PLA2G4A: variants seen among roughly 807,000 people sequenced by gnomAD.
PLA2G4A encodes the protein phospholipase A2 group IVA, also known as cytosolic phospholipase A2.
In PLA2G4A, 40 loss-of-function variants were observed where a neutral mutation model predicts 81.9. That is an observed-to-expected ratio of 0.49 (90% CI 0.38 to 0.64). PLA2G4A has a LOEUF of 0.64. Among genes scored for constraint, PLA2G4A ranks in the 30% least tolerant of loss-of-function variants. PLA2G4A has a pLI of 0.00. For missense variants in PLA2G4A, 715 were observed against 905.1 expected, an observed-to-expected ratio of 0.79 and a Z score of 2.69; for synonymous variants, 302 against 296.9, an observed-to-expected ratio of 1.02 and a Z score of -0.18.
At chr1:186,904,043 G>C (rs1654642946) in intron 5 of PLA2G4A, among the ~76,000 whole-genome samples, 1 of 152,160 alleles carries the variant, frequency 6.6e-6, no homozygotes, top group Non-Finnish European at 1.5e-5. Context: ...TAGTGGGTTA[G>C]ATCCTTTAAA....
At chr1:186,988,277 A>T in intron 17 of PLA2G4A, 100 bp from the exon 18 acceptor site, 1 of 890,956 alleles carries the variant, frequency 1.1e-6, no homozygotes, top group Non-Finnish European at 1.7e-6. Context: ...GTCAAAAGGA[A>T]TACTCTAATA....
intron 1 of PLA2G4A, among the ~76,000 whole-genome samples, chr1:186,848,430 T>C (rs923231697): frequency 6.6e-6 from 1 of 152,130 alleles, no homozygotes; most frequent in African/African-American, 2.4e-5. Context: ...TCATCCCCTT[T>C]CTCCTGCAAC....
At chr1:186,903,791 T>A (rs1654632828) in intron 5 of PLA2G4A, among the ~76,000 whole-genome samples, 1 of 152,168 alleles carries the variant, frequency 6.6e-6, no homozygotes, top group African/African-American at 2.4e-5. Flanking sequence ...TCATTATATA[T>A]TACAATGTAA....
At chr1:186,948,898 C>G (rs2102237423) in intron 12 of PLA2G4A, among the ~76,000 whole-genome samples, 1 of 152,148 alleles carries the variant, frequency 6.6e-6, no homozygotes, top group South Asian at 2.1e-4. Context: ...GAGAGGTGAC[C>G]AAGAGGACTC....
At chr1:186,834,235 A>ATC (rs1034830321) in intron 1 of PLA2G4A, among the ~76,000 whole-genome samples, 4 of 151,798 alleles carry the variant, frequency 2.6e-5, no homozygotes, top group Non-Finnish European at 4.4e-5. Flanking sequence ...GAGGCCCAGT[A>ATC]TTTTTTTATT....
At chr1:186,830,957 G>GCTTGCTTGCTTGCTTGCTTT (rs1491468816) in intron 1 of PLA2G4A, among the ~76,000 whole-genome samples, 2 of 82,710 alleles carry the variant, frequency 2.4e-5, no homozygotes, top group East Asian at 6.5e-4. Flanking sequence ...TTGCTTGCTT[G>GCTTGCTTGCTTGCTTGCTTT]CTTTCTTTCT....
chr1:186,838,102 C>T (rs892887268), intron 1 of PLA2G4A, among the ~76,000 whole-genome samples: 6 of 152,164 alleles, frequency 3.9e-5, no homozygotes, highest in Admixed American at 3.3e-4. Flanking sequence ...GTGACTTTTT[C>T]CGGTGGGAAT....
intron 15 of PLA2G4A, among the ~76,000 whole-genome samples, chr1:186,968,065 G>C (rs909675936): frequency 1.3e-5 from 2 of 152,050 alleles, no homozygotes; most frequent in East Asian, 3.8e-4. Flanking sequence ...GGTTTCAGTG[G>C]ATGACTCTAA....
At chr1:186,937,154 A>G (rs192511522) in intron 8 of PLA2G4A, among the ~76,000 whole-genome samples, 1 of 152,002 alleles carries the variant, frequency 6.6e-6, no homozygotes, top group African/African-American at 2.4e-5. Context: ...CTGAACAAGC[A>G]GAGACCATTA....
At chr1:186,975,142 T>C (rs1205260842) in intron 15 of PLA2G4A, among the ~76,000 whole-genome samples, 4 of 152,202 alleles carry the variant, frequency 2.6e-5, no homozygotes, top group African/African-American at 9.7e-5. Context: ...CACGAGTGAA[T>C]AATTGTGAAC....
chr1:186,952,591 G>A (rs1482011168), intron 13 of PLA2G4A, among the ~76,000 whole-genome samples: 1 of 152,080 alleles, frequency 6.6e-6, no homozygotes, highest in African/African-American at 2.4e-5. Context: ...ATAGTTTACA[G>A]TAGGACTCAC....
In PLA2G4A at chr1:186,946,628, T is replaced by A; in HGVS notation, c.1034-9T>A. On this transcript the variant is annotated splice_polypyrimidine_tract_variant and intron_variant, in intron 10 of 17. Coordinates refer to ENST00000367466, the MANE Select transcript of PLA2G4A (RefSeq NM_024420.3). The stretch of plus-strand genomic sequence containing the variant: ...TTAATGGATTGCCTTGTTTTTAAAA[T>A]ACTTTCAGATTGGGTTGAATTTAGT... The A allele has an allele frequency of 6.2e-7, 1 of 1,601,652 alleles. No homozygotes were observed. Among genetic ancestry groups the A allele is most frequent in the Non-Finnish European group, 8.6e-7 (1 of 1,169,162 alleles).
intron 2 of PLA2G4A, among the ~76,000 whole-genome samples, chr1:186,858,924 T>C (rs1245217244): frequency 1.3e-5 from 2 of 152,018 alleles, no homozygotes; most frequent in African/African-American, 4.8e-5. Flanking sequence ...TGTGCGTGTG[T>C]GTGTGTGTGT....
chr1:186,860,475 C>G (rs1238448004), intron 2 of PLA2G4A, among the ~76,000 whole-genome samples: 1 of 152,138 alleles, frequency 6.6e-6, no homozygotes, highest in Non-Finnish European at 1.5e-5. Context: ...TCTTCCACCT[C>G]TGTTCTGTTT....
intron 10 of PLA2G4A, among the ~76,000 whole-genome samples, chr1:186,946,008 C>A (rs2383554): frequency 0.37 from 55,701 of 151,916 alleles, 12,288 homozygotes; most frequent in Non-Finnish European, 0.49. Flanking sequence ...GAATAATACC[C>A]AAGTCAGTAA....
chr1:186,957,315 A>G (rs1656788012), intron 14 of PLA2G4A, among the ~76,000 whole-genome samples: 1 of 151,984 alleles, frequency 6.6e-6, no homozygotes, highest in Non-Finnish European at 1.5e-5. Context: ...CAGGAATTTA[A>G]ATAAGGGAAT....
In PLA2G4A at chr1:186,893,722, G is replaced by A. The variant is rs542806768; in HGVS notation, c.265-376G>A. On this transcript the variant is annotated intron_variant, in intron 4 of 17. Transcript: ENST00000367466. ...GCAGATCACTTGAGGTCAGGAGCTC[G>A]AGACCAGCCTGGCCAACACGGTGAG... Among the ~76,000 whole-genome samples, 7 of 152,024 alleles carry A rather than the reference G, an allele frequency of 4.6e-5. No homozygotes were observed. The South Asian group carries it at 1.0e-3, about 23-fold the overall frequency.
intron 1 of PLA2G4A, among the ~76,000 whole-genome samples, chr1:186,830,972 T>C (rs201296602): frequency 7.9e-6 from 1 of 126,590 alleles, no homozygotes. Context: ...CTTTCTTTCT[T>C]TCTTTCTTTC....
intron 3 of PLA2G4A, among the ~76,000 whole-genome samples, chr1:186,873,346 C>A (rs1205849328): frequency 6.6e-6 from 1 of 151,976 alleles, no homozygotes; most frequent in African/African-American, 2.4e-5. Flanking sequence ...TAAACATAGA[C>A]AAGAATAGAA....
Sources: gnomAD v4.1 joint callset for allele counts (sites outside exome capture counted in the v4.1 genomes callset) on GRCh38, gnomAD v4.1.1 for gene constraint, MANE v1.5 for transcripts, NCBI Gene and HGNC (gene_info 2026-07-23, HGNC 2026-07-21) for gene names.